Variants in PACRGL observed in about 807,000 individuals in gnomAD.
The protein encoded by PACRGL is PACRG-like protein.
Under a neutral mutation model 34.5 loss-of-function variants are expected in PACRGL, and 38 were observed. The ratio of observed to expected loss-of-function variants is 1.10; its 90% CI spans 0.85 to 1.44. PACRGL has a LOEUF of 1.44. Among genes scored for constraint, PACRGL ranks in the 40% most tolerant of loss-of-function variants. The pLI is 0.00. For synonymous variants in PACRGL, 128 were observed against 100.1 expected (o/e 1.28, Z -1.66); for missense variants, 305 against 281.4 (o/e 1.08, Z -0.60).
At position 20,729,944 on chromosome 4, in the gene PACRGL, T is replaced by G; in HGVS notation, c.*2603T>G. 1 of 1,011,348 alleles carries G rather than the reference T, an allele frequency of 9.9e-7. No individual in the cohort carries two copies. Among genetic ancestry groups the G allele is most frequent in the Non-Finnish European group, 1.4e-6 (1 of 736,800 alleles). 62.6% of individuals were successfully genotyped at this position (1,011,348 alleles called of 1,614,324 possible). Reference sequence around the variant, plus strand: ...AAGCTCAAATCTTTTGGGGATTGCTTTATATTAAAACAAAGCTTGTTTGCA... The same window carrying G: ...AAGCTCAAATCTTTTGGGGATTGCTGTATATTAAAACAAAGCTTGTTTGCA... On this transcript the variant is annotated 3_prime_UTR_variant, in exon 9 of 9. Transcript: ENST00000503585.
At position 20,732,346 on chromosome 4, in the gene PACRGL, T is replaced by C. The variant is rs1268101884; in HGVS notation, c.*5005T>C. ...CTAGATGTGACAGAGCTTGCGCAAT[T>C]TGCTGAAACTTTCAGAGCTTGCTTT... is the stretch of plus-strand genomic sequence containing the variant. On this transcript the variant is annotated 3_prime_UTR_variant, in exon 9 of 9. Transcript: ENST00000503585. Among the ~76,000 whole-genome samples, 1 of 152,166 alleles carries C rather than the reference T, an allele frequency of 6.6e-6. No individual in the cohort carries two copies. Among genetic ancestry groups the C allele is most frequent in the Admixed American group, 6.5e-5 (1 of 15,272 alleles).
At chr4:20,711,795 G>C (rs1040825926) in intron 5 of PACRGL, among the ~76,000 whole-genome samples, 1 of 152,028 alleles carries the variant, frequency 6.6e-6, no homozygotes, top group African/African-American at 2.4e-5. Flanking sequence ...AGGGTGAAAG[G>C]CATAGTGAGA....
At chr4:20,759,643 T>TA in the PACRGL span, among the ~76,000 whole-genome samples, 75,999 of 151,422 alleles carry the variant, frequency 0.5, 19,372 homozygotes, top group Middle Eastern at 0.58. Flanking sequence ...TTTTTGCTAA[T>TA]AAAAAAAAGA....
Position 20,732,106 on chromosome 4 carries a change from T to A in PACRGL, c.*4765T>A, listed in dbSNP as rs759695011. ...AAAACAAAAATTGTATTTAGACTTA[T>A]CCCTTAATACCCTCACACCTGGACC... On this transcript the variant is annotated 3_prime_UTR_variant, in exon 9 of 9. Coordinates refer to ENST00000503585, the MANE Select transcript of PACRGL (RefSeq NM_001258345.3). 54 of 1,402,962 alleles carry A rather than the reference T, an allele frequency of 3.8e-5. No individual in the cohort carries two copies. The highest frequency in any genetic ancestry group is 5.2e-5 in the Non-Finnish European group (51 of 989,244). The allele number at this position is 1,402,962 out of a possible 1,614,324, so 86.9% of individuals were successfully genotyped here.
chr4:20,724,950 C>T, intron 8 of PACRGL, 62 bp downstream of exon 8: 1 of 897,646 alleles, frequency 1.1e-6, no homozygotes, highest in Non-Finnish European at 1.5e-6. Flanking sequence ...ACTAAATTGA[C>T]ATATATATAT....
At position 20,731,615 on chromosome 4, in the gene PACRGL, G is replaced by T. The variant is rs1017935292; in HGVS notation, c.*4274G>T. 8 of 984,968 alleles carry T rather than the reference G, an allele frequency of 8.1e-6. No homozygotes were observed. The highest frequency in any genetic ancestry group is 8.4e-6 in the Non-Finnish European group (7 of 829,678). The allele number at this position is 984,968 out of a possible 1,614,324, so 61.0% of individuals were successfully genotyped here. The stretch of plus-strand genomic sequence containing the variant: ...AGATAGAAGCTTGGCCTGTTGTGAT[G>T]CCATACTTGGCTATCTAGGAATTCT... On this transcript the variant is annotated 3_prime_UTR_variant, in exon 9 of 9. Coordinates refer to ENST00000503585, the MANE Select transcript of PACRGL (RefSeq NM_001258345.3).
chr4:20,713,848 T>G (rs1738508508), intron 7 of PACRGL, among the ~76,000 whole-genome samples: 1 of 152,246 alleles, frequency 6.6e-6, no homozygotes, highest in Admixed American at 6.5e-5. Context: ...TTGATTGCAC[T>G]GTGGTCTGAG....
intron 8 of PACRGL, among the ~76,000 whole-genome samples, chr4:20,741,820 T>C (rs573435941): frequency 1.3e-5 from 2 of 152,140 alleles, no homozygotes; most frequent in African/African-American, 4.8e-5. Context: ...GATAGACTGC[T>C]AGCAAGGCTA....
intron 7 of PACRGL, among the ~76,000 whole-genome samples, chr4:20,722,317 G>T (rs12639948): frequency 6.6e-6 from 1 of 152,206 alleles, no homozygotes; most frequent in East Asian, 1.9e-4. Context: ...CACTTGGTGC[G>T]CTATACCCGC....
At position 20,731,024 on chromosome 4, in the gene PACRGL, A is replaced by AG. The variant is rs1226882792; in HGVS notation, c.*3684dup. Among the ~76,000 whole-genome samples the AG allele has an allele frequency of 6.6e-6, 1 of 152,192 alleles. No homozygotes were observed. The highest frequency in any genetic ancestry group is 1.5e-5 in the Non-Finnish European group (1 of 68,020). ...TAAGAACAACAATTTAAAAATAAAGAGAAAAACTAAAGAAACAACGGATTT... is the reference window on the plus strand; with the variant it reads ...TAAGAACAACAATTTAAAAATAAAGAGGAAAAACTAAAGAAACAACGGATTT... On this transcript the variant is annotated 3_prime_UTR_variant, in exon 9 of 9. Transcript: ENST00000503585.
In PACRGL at chr4:20,730,822, G is replaced by A. The variant is rs957615537; in HGVS notation, c.*3481G>A. Among the ~76,000 whole-genome samples, 1 of 152,122 alleles carries A rather than the reference G, an allele frequency of 6.6e-6. No homozygotes were observed. Among genetic ancestry groups the A allele is most frequent in the African/African-American group, 2.4e-5 (1 of 41,422 alleles). ...ATTGGAGCACTTGTCAGTTGCATGT[G>A]AATAGCACTTACTGAGCTGTTTATG... On this transcript the variant is annotated 3_prime_UTR_variant, in exon 9 of 9. Transcript: ENST00000503585.
chr4:20,721,476 A>G (rs1743163414), intron 7 of PACRGL, among the ~76,000 whole-genome samples: 2 of 151,752 alleles, frequency 1.3e-5, no homozygotes, highest in Admixed American at 6.6e-5. Context: ...TTGGTCTTTG[A>G]TGATGGTGAC....
At chr4:20,766,080 A>G in the PACRGL span, among the ~76,000 whole-genome samples, 1 of 152,334 alleles carries the variant, frequency 6.6e-6, no homozygotes, top group South Asian at 2.1e-4. Flanking sequence ...AAGCTAATAC[A>G]CATGAGCACT....
upstream of PACRGL, among the ~76,000 whole-genome samples, chr4:20,698,935 G>A (rs1731399084): frequency 6.6e-6 from 1 of 152,072 alleles, no homozygotes; most frequent in African/African-American, 2.4e-5. Flanking sequence ...CAATAATGAA[G>A]AGGAAATTGA....
chr4:20,727,022 C>A (rs73110217), intron 8 of PACRGL, among the ~76,000 whole-genome samples: 3 of 151,990 alleles, frequency 2.0e-5, no homozygotes, highest in Non-Finnish European at 4.4e-5. Context: ...CCAGGTTTGA[C>A]GAATAAGTGA....
chr4:20,707,663 A>C, intron 3 of PACRGL, 140 bp from the exon 4 acceptor site: 1 of 692,986 alleles, frequency 1.4e-6, no homozygotes, highest in African/African-American at 1.8e-5. Context: ...TAGAGAGAGG[A>C]TTGACAGTTT....
chr4:20,762,555 C>T, the PACRGL span, among the ~76,000 whole-genome samples: 1 of 152,192 alleles, frequency 6.6e-6, no homozygotes, highest in African/African-American at 2.4e-5. Context: ...TTCACCTCTT[C>T]TGTGCAGTGA....
At chr4:20,744,798 T>C (rs1270364875) in intron 8 of PACRGL, among the ~76,000 whole-genome samples, 1 of 152,032 alleles carries the variant, frequency 6.6e-6, no homozygotes, top group Non-Finnish European at 1.5e-5. Context: ...AAAATAAAGA[T>C]AGCACGTTTA....
At chr4:20,720,282 C>T (rs1742382679) in intron 7 of PACRGL, among the ~76,000 whole-genome samples, 1 of 152,266 alleles carries the variant, frequency 6.6e-6, no homozygotes, top group Admixed American at 6.5e-5. Flanking sequence ...ACTCTTTATC[C>T]AATCTGCCAG....
Sources: gnomAD v4.1 joint callset for allele counts (sites outside exome capture counted in the v4.1 genomes callset) on GRCh38, gnomAD v4.1.1 for gene constraint, MANE v1.5 for transcripts, NCBI Gene and HGNC (gene_info 2026-07-23, HGNC 2026-07-21) for gene names.